The following SNRPD2 variants were observed in gnomAD, a reference collection of about 807,000 sequenced individuals.
The protein encoded by SNRPD2 is small nuclear ribonucleoprotein Sm D2.
A neutral mutation model predicts 11.5 loss-of-function variants in SNRPD2; 1 was observed. The observed-to-expected ratio is 0.09, with a 90% CI of 0.03 to 0.41. The LOEUF is 0.41. Among genes scored for constraint, SNRPD2 ranks in the 10% least tolerant of loss-of-function variants. The pLI is 0.98. For synonymous variants in SNRPD2, 63 were observed against 61.5 expected, an observed-to-expected ratio of 1.02 and a Z score of -0.12; for missense variants, 77 against 154.9, an observed-to-expected ratio of 0.50 and a Z score of 2.67.
At chr19:45,691,823 A>G (rs1967565848) in intron 1 of SNRPD2, 64 bp downstream of exon 1, 7 of 1,592,216 alleles carry the variant, frequency 4.4e-6, no homozygotes, top group Non-Finnish European at 5.2e-6. Flanking sequence ...CCCTTCCCAC[A>G]CTCAATCGGT....
At chr19:45,692,092 G>A (rs1218207393), upstream of SNRPD2, 63 of 1,427,226 alleles carry the variant, frequency 4.4e-5, no homozygotes, top group Non-Finnish European at 7.5e-6. Flanking sequence ...GTAGGGGTTC[G>A]CGGCCAGTCA....
rs141788480 is a variant in SNRPD2, at chr19:45,688,491, G to C, written c.78C>G (p.Thr26=). The change falls in exon 2 of 3, where the codon ACC becomes ACG. Residue 26 remains threonine (T), a synonymous_variant. Coordinates refer to ENST00000342669, the MANE Select transcript of SNRPD2 (RefSeq NM_001384647.1). This position sits in a 1 kb window ranked among gnomAD's most constrained non-coding sequence, Gnocchi z 4.1. ...LQKREEEEFN[T]GPLSVLTQSV... is the part of the protein sequence containing the mutation. ...ACTGTGTGAGCACAGAGAGTGGACC[G>C]GTGTTAAATTCCTCCTCCTCTCGCT... The C allele has an allele frequency of 1.2e-6, 2 of 1,613,802 alleles. No homozygotes were observed. Among genetic ancestry groups the C allele is most frequent in the Admixed American group, 1.7e-5 (1 of 59,980 alleles).
chr19:45,691,901 G>GC lies in SNRPD2; in HGVS notation c.-14dup, dbSNP rs1253599480. On this transcript the variant is annotated 5_prime_UTR_variant, in exon 1 of 3. Transcript: ENST00000342669. ...CCCGGCCTCACATGATGGTCACTACGCTCTCCGTTCACTCCCGTTTCCTCC... is the reference window on the plus strand; with the variant it reads ...CCCGGCCTCACATGATGGTCACTACGCCTCTCCGTTCACTCCCGTTTCCTCC... 4 of 1,613,842 alleles carry GC rather than the reference G, an allele frequency of 2.5e-6. No homozygotes were observed. In the African/African-American group the frequency reaches 5.3e-5, roughly 22 times the overall value.
At chr19:45,691,971 T>C, upstream of SNRPD2, 1 of 1,612,762 alleles carries the variant, frequency 6.2e-7, no homozygotes, top group African/African-American at 1.3e-5. Flanking sequence ...TTCCTCTTCC[T>C]GCGACCCACT....
In SNRPD2 at chr19:45,691,930, T is replaced by G. The variant is rs748227963; in HGVS notation, c.-42A>C. 4 of 1,614,104 alleles carry G rather than the reference T, an allele frequency of 2.5e-6. No individual in the cohort carries two copies. Among genetic ancestry groups the G allele is most frequent in the Non-Finnish European group, 3.4e-6 (4 of 1,179,938 alleles). ...TCCGTTCACTCCCGTTTCCTCCGCG[T>G]TGCTGCTGCCTGAGGAGAGAGAGGC... On this transcript the variant is annotated 5_prime_UTR_variant, in exon 1 of 3. Coordinates refer to ENST00000342669, the MANE Select transcript of SNRPD2 (RefSeq NM_001384647.1).
Position 45,688,293 on chromosome 19 carries a change from G to T in SNRPD2, c.182+94C>A, listed in dbSNP as rs930912446. Reference sequence around the variant, plus strand: ...CCACCACGCCTGGCCATACACCCCAGGCTTCTGAGACAGCTGTCTTTGAGC... The same window carrying T: ...CCACCACGCCTGGCCATACACCCCATGCTTCTGAGACAGCTGTCTTTGAGC... On this transcript the variant is annotated intron_variant, in intron 2 of 2. Coordinates refer to ENST00000342669, the MANE Select transcript of SNRPD2 (RefSeq NM_001384647.1). The surrounding 1 kb of genome is among the most constrained non-coding windows in gnomAD (Gnocchi z 4.1). The T allele has an allele frequency of 5.3e-6, 6 of 1,141,366 alleles. No individual in the cohort carries two copies. The highest frequency in any genetic ancestry group is 1.5e-5 in the African/African-American group (1 of 64,536). 70.7% of individuals were successfully genotyped at this position (1,141,366 alleles called of 1,614,324 possible). A position where few individuals can be genotyped will look rare whatever the true frequency, so the allele number is the denominator to read the frequency against.
rs1341988855 is a variant in SNRPD2, at chr19:45,688,371, A to G, written c.182+16T>C. 3 of 1,613,098 alleles carry G rather than the reference A, an allele frequency of 1.9e-6. No homozygotes were observed. In the African/African-American group the frequency reaches 4.0e-5, roughly 22 times the overall value. ...TCCAGGCCTGCGGAGAACACCTCCC[A>G]GGACCCAGCACTCACCTATCGAAGG... On this transcript the variant is annotated intron_variant, in intron 2 of 2. Transcript: ENST00000342669. The surrounding 1 kb of genome is among the most constrained non-coding windows in gnomAD (Gnocchi z 4.1).
At chr19:45,689,344 A>T in intron 1 of SNRPD2, 1 of 513,436 alleles carries the variant, frequency 1.9e-6, no homozygotes, top group South Asian at 1.4e-5. Flanking sequence ...GGTTGTGCTA[A>T]AACCTAAATC....
At chr19:45,689,119 C>T in intron 1 of SNRPD2, 8 of 491,286 alleles carry the variant, frequency 1.6e-5, no homozygotes, top group South Asian at 1.2e-4. Flanking sequence ...TCCCCATCTG[C>T]TTTGATGGTA....
intron 1 of SNRPD2, among the ~76,000 whole-genome samples, chr19:45,689,511 T>A (rs1460145048): frequency 2.0e-5 from 3 of 151,452 alleles, no homozygotes; most frequent in South Asian, 2.1e-4. Flanking sequence ...CTACTAAAAA[T>A]ACAAAACAAA....
In SNRPD2 at chr19:45,688,287, A is replaced by G; in HGVS notation, c.182+100T>C. On this transcript the variant is annotated intron_variant, in intron 2 of 2. Transcript: ENST00000342669. This position sits in a 1 kb window ranked among gnomAD's most constrained non-coding sequence, Gnocchi z 4.1. ...CATGAGCCACCACGCCTGGCCATAC[A>G]CCCCAGGCTTCTGAGACAGCTGTCT... 1 of 1,055,466 alleles carries G rather than the reference A, an allele frequency of 9.5e-7. No homozygotes were observed. Among genetic ancestry groups the G allele is most frequent in the Non-Finnish European group, 1.4e-6 (1 of 710,256 alleles). 65.4% of individuals were successfully genotyped at this position (1,055,466 alleles called of 1,614,324 possible).
intron 1 of SNRPD2, among the ~76,000 whole-genome samples, chr19:45,689,855 T>A (rs1179292860): frequency 6.8e-6 from 1 of 148,056 alleles, no homozygotes; most frequent in Admixed American, 6.9e-5. Context: ...GGCAAGATGG[T>A]GAAACCCTGT....
At position 45,690,857 on chromosome 19, in the gene SNRPD2, G is replaced by A. The variant is rs543284642; in HGVS notation, c.2+1030C>T. Among the ~76,000 whole-genome samples, 432 of 150,464 alleles carry A rather than the reference G, an allele frequency of 2.9e-3. 2 individuals are homozygous for A. The highest frequency in any genetic ancestry group is 5.1e-3 in the Non-Finnish European group (343 of 67,616). ...AAAAAAAAAAAAAAAAAGAAAAAGA[G>A]AAAAAGATTTTTCTTTTCCCTTGGG... On this transcript the variant is annotated intron_variant, in intron 1 of 2. Transcript: ENST00000342669.
rs117160546 is a variant in SNRPD2, at chr19:45,689,133, C to T, written c.3-567G>A. 2,058 of 507,036 alleles carry T rather than the reference C, an allele frequency of 4.1e-3. 6 individuals are homozygous for T. The highest frequency in any genetic ancestry group is 5.3e-3 in the Non-Finnish European group (1,344 of 253,196). 31.4% of individuals were successfully genotyped at this position (507,036 alleles called of 1,614,324 possible). ...TTCCCCATCTGCTTTGATGGTAACT[C>T]CATCCTTCTAGTTCTCTGGGCAAAA... is the stretch of plus-strand genomic sequence containing the variant. On this transcript the variant is annotated intron_variant, in intron 1 of 2. Transcript: ENST00000342669.
chr19:45,688,490 C>A lies in SNRPD2; in HGVS notation c.79G>T (p.Gly27Cys). The A allele has an allele frequency of 1.2e-6, 2 of 1,613,994 alleles. No individual in the cohort carries two copies. Among genetic ancestry groups the A allele is most frequent in the Non-Finnish European group, 1.7e-6 (2 of 1,179,886 alleles). The part of the protein sequence containing the change: ...QKREEEEFNT[G>C]PLSVLTQSVK... ...GACTGTGTGAGCACAGAGAGTGGAC[C>A]GGTGTTAAATTCCTCCTCCTCTCGC... is the stretch of plus-strand genomic sequence containing the variant. The change falls in exon 2 of 3, where the codon GGT (glycine) becomes TGT (cysteine). Residue 27 changes from glycine to cysteine, a missense_variant. Transcript: ENST00000342669. This position sits in a 1 kb window ranked among gnomAD's most constrained non-coding sequence, Gnocchi z 4.1.
chr19:45,689,499 T>G (rs1458093414), intron 1 of SNRPD2, among the ~76,000 whole-genome samples: 1 of 151,332 alleles, frequency 6.6e-6, no homozygotes, highest in East Asian at 2.0e-4. Context: ...GAAACCCCAT[T>G]TCTACTAAAA....
chr19:45,691,089 T>C (rs1967534351), intron 1 of SNRPD2, among the ~76,000 whole-genome samples: 1 of 152,292 alleles, frequency 6.6e-6, no homozygotes, highest in South Asian at 2.1e-4. Context: ...CAAATAATTA[T>C]TTCTAAAAGT....
Position 45,691,714 on chromosome 19 carries a change from A to G in SNRPD2, c.2+173T>C, listed in dbSNP as rs1442605790. The G allele has an allele frequency of 3.8e-6, 3 of 795,756 alleles. No individual in the cohort carries two copies. In the Admixed American group the frequency reaches 5.7e-5, roughly 15 times the overall value. The allele number at this position is 795,756 out of a possible 1,614,324, so 49.3% of individuals were successfully genotyped here. On this transcript the variant is annotated intron_variant, in intron 1 of 2. Coordinates refer to ENST00000342669, the MANE Select transcript of SNRPD2 (RefSeq NM_001384647.1). Reference sequence around the variant, plus strand: ...AGCTGTCCCCTCTCCCGAAGTCACGATGCGTCAAAGGCCCCACGCCCGTTC... The same window carrying G: ...AGCTGTCCCCTCTCCCGAAGTCACGGTGCGTCAAAGGCCCCACGCCCGTTC...
intron 1 of SNRPD2, among the ~76,000 whole-genome samples, chr19:45,690,310 C>T (rs1206787809): frequency 8.1e-6 from 1 of 122,958 alleles, no homozygotes; most frequent in Non-Finnish European, 1.6e-5. Flanking sequence ...CCAGCCTGGG[C>T]GACAGCGAGA....
Sources: allele counts gnomAD v4.1 joint callset (sites outside exome capture counted in the v4.1 genomes callset), GRCh38; gene constraint gnomAD v4.1.1; non-coding constraint Gnocchi (gnomAD v3.1); transcripts MANE v1.5; gene names NCBI Gene and HGNC (gene_info 2026-07-23, HGNC 2026-07-21).